Variants in CNTN4 observed in about 807,000 individuals in gnomAD.
CNTN4 encodes the protein contactin 4.
CNTN4 carries 77 observed loss-of-function variants against 122.5 expected under a neutral mutation model. The ratio of observed to expected loss-of-function variants is 0.63; its 90% CI spans 0.52 to 0.76. CNTN4 has a LOEUF of 0.76. Ranked by LOEUF, CNTN4 falls within the 30% of genes least tolerant of loss-of-function variation. The pLI is 0.00. For synonymous variants in CNTN4, 512 were observed against 447.0 expected (o/e 1.15, Z -1.83); for missense variants, 1,256 against 1,259.1 (o/e 1.00, Z 0.04).
intron 3 of CNTN4, among the ~76,000 whole-genome samples, chr3:2,343,710 C>T (rs2044292741): frequency 6.6e-6 from 1 of 152,180 alleles, no homozygotes; most frequent in Admixed American, 6.5e-5. Context: ...GTTCAAAATG[C>T]CAAGAACCTG....
chr3:2,350,904 A>C (rs886890307), intron 3 of CNTN4, among the ~76,000 whole-genome samples: 2 of 152,206 alleles, frequency 1.3e-5, no homozygotes, highest in African/African-American at 4.8e-5. Context: ...CATTTGCTAC[A>C]TTCCTGGATT....
intron 2 of CNTN4, among the ~76,000 whole-genome samples, chr3:2,148,008 T>C (rs994537173): frequency 6.6e-6 from 1 of 152,140 alleles, no homozygotes; most frequent in Non-Finnish European, 1.5e-5. Context: ...TCTATTGATG[T>C]TGATTTCTCT....
At chr3:3,042,486 G>A (rs1015769220) in intron 21 of CNTN4, 64 bp downstream of exon 21, 27 of 1,063,032 alleles carry the variant, frequency 2.5e-5, no homozygotes, top group African/African-American at 1.6e-5. Flanking sequence ...AGTCCTCCAA[G>A]TCACATTCTT....
chr3:2,349,143 A>G lies in CNTN4; in HGVS notation c.-89+9910A>G, dbSNP rs192061420. Among the ~76,000 whole-genome samples, 425 of 152,346 alleles carry G rather than the reference A, an allele frequency of 2.8e-3. 1 individual carries two copies. Among genetic ancestry groups the G allele is most frequent in the Middle Eastern group, 0.01 (3 of 294 alleles). ...AAATATTTTATATGCATCTGTATAT[A>G]AAGAACCATCATATCTTATTATACC... On this transcript the variant is annotated intron_variant, in intron 3 of 24. Transcript: ENST00000418658.
chr3:3,038,543 C>G (rs111426884), intron 18 of CNTN4, among the ~76,000 whole-genome samples: 3 of 152,208 alleles, frequency 2.0e-5, no homozygotes, highest in Non-Finnish European at 2.9e-5. Context: ...CTTGTAAGCT[C>G]TGCCTGGGCA....
chr3:2,704,266 C>G (rs1404890495), intron 4 of CNTN4, among the ~76,000 whole-genome samples: 1 of 137,596 alleles, frequency 7.3e-6, no homozygotes, highest in East Asian at 2.2e-4. Context: ...CGCTGCTCTC[C>G]AGCCTGGGTG....
chr3:2,528,370 C>T (rs952162085), intron 3 of CNTN4, among the ~76,000 whole-genome samples: 1 of 152,070 alleles, frequency 6.6e-6, no homozygotes, highest in South Asian at 2.1e-4. Context: ...GAATATCAAC[C>T]ATGTTATGCT....
chr3:2,887,299 A>C, intron 10 of CNTN4, 75 bp downstream of exon 10: 2 of 1,384,198 alleles, frequency 1.4e-6, no homozygotes, highest in Non-Finnish European at 2.0e-6. Context: ...GCTGAGAGGC[A>C]TTCAGGCATT....
chr3:2,844,012 T>C lies in CNTN4; in HGVS notation c.455-22740T>C, dbSNP rs553417605. Among the ~76,000 whole-genome samples the C allele has an allele frequency of 4.6e-5, 7 of 152,314 alleles. 1 individual carries two copies. The highest frequency in any genetic ancestry group is 1.2e-4 in the African/African-American group (5 of 41,580). On this transcript the variant is annotated intron_variant, in intron 7 of 24. Coordinates refer to ENST00000418658, the MANE Select transcript of CNTN4 (RefSeq NM_175607.3). The stretch of plus-strand genomic sequence containing the variant: ...CTGGCCCCTGGCCATCTGTCCGTCA[T>C]TATGTCCCCACAACCCCCATCCTTC...
intron 4 of CNTN4, among the ~76,000 whole-genome samples, chr3:2,677,595 C>T (rs2084943307): frequency 6.6e-6 from 1 of 151,912 alleles, no homozygotes; most frequent in Non-Finnish European, 1.5e-5. Context: ...GAAAGTAATA[C>T]AGTCTTCATA....
intron 4 of CNTN4, among the ~76,000 whole-genome samples, chr3:2,587,657 A>G (rs944843541): frequency 2.0e-5 from 3 of 152,278 alleles, no homozygotes; most frequent in South Asian, 4.1e-4. Flanking sequence ...TATGCGCTCG[A>G]TTCAGTTGAA....
intron 2 of CNTN4, among the ~76,000 whole-genome samples, chr3:2,208,057 G>A (rs1490389736): frequency 6.6e-6 from 1 of 152,108 alleles, no homozygotes; most frequent in Admixed American, 6.6e-5. Context: ...CCTTTCTGCA[G>A]TTCATTGATC....
chr3:2,428,433 G>A (rs770235939), intron 3 of CNTN4, among the ~76,000 whole-genome samples: 21 of 152,280 alleles, frequency 1.4e-4, no homozygotes, highest in African/African-American at 1.9e-4. Flanking sequence ...AGTTTCTGCC[G>A]AGAGATCAGC....
intron 2 of CNTN4, among the ~76,000 whole-genome samples, chr3:2,280,208 C>T (rs2041667021): frequency 6.6e-6 from 1 of 152,126 alleles, no homozygotes; most frequent in Non-Finnish European, 1.5e-5. Flanking sequence ...GATTCACCTG[C>T]CTCAGCCTCC....
chr3:2,342,199 C>T (rs1191812346), intron 3 of CNTN4, among the ~76,000 whole-genome samples: 1 of 151,870 alleles, frequency 6.6e-6, no homozygotes, highest in Admixed American at 6.6e-5. Context: ...CTTTTTTTTA[C>T]ACATCTGTAA....
At chr3:2,669,206 G>A (rs1004076022) in intron 4 of CNTN4, among the ~76,000 whole-genome samples, 2 of 152,176 alleles carry the variant, frequency 1.3e-5, no homozygotes, top group African/African-American at 4.8e-5. Context: ...ATTCGGCTGT[G>A]AATCCATCTG....
chr3:2,368,158 G>C (rs368646127), intron 3 of CNTN4, among the ~76,000 whole-genome samples: 4 of 148,980 alleles, frequency 2.7e-5, no homozygotes, highest in African/African-American at 7.5e-5. Context: ...TCAGCCTCCC[G>C]AGTAGCTGGG....
At chr3:2,642,061 C>G (rs2082917202) in intron 4 of CNTN4, among the ~76,000 whole-genome samples, 2 of 152,168 alleles carry the variant, frequency 1.3e-5, no homozygotes, top group African/African-American at 4.8e-5. Flanking sequence ...CACTAACTCA[C>G]ATGATCACAA....
intron 2 of CNTN4, among the ~76,000 whole-genome samples, chr3:2,251,661 T>C (rs901153778): frequency 6.6e-6 from 1 of 151,906 alleles, no homozygotes; most frequent in Non-Finnish European, 1.5e-5. Flanking sequence ...ACATATTATG[T>C]AGTCTCTTAG....
Sources: allele counts gnomAD v4.1 joint callset (sites outside exome capture counted in the v4.1 genomes callset), GRCh38; gene constraint gnomAD v4.1.1; transcripts MANE v1.5; gene names NCBI Gene and HGNC (gene_info 2026-07-23, HGNC 2026-07-21).